Variants in EPHA6 observed in about 807,000 individuals in gnomAD.
EPHA6 encodes ephrin type-A receptor 6.
Under a neutral mutation model 112.0 loss-of-function variants are expected in EPHA6, and 50 were observed. That is an observed-to-expected ratio of 0.45 (90% CI 0.36 to 0.56). The LOEUF is 0.56. EPHA6 is among the 20% of genes least tolerant of loss of function. The pLI, the probability that EPHA6 is intolerant of heterozygous loss-of-function variation, is 0.00. For missense variants in EPHA6, 1,280 were observed against 1,417.4 expected, an observed-to-expected ratio of 0.90 and a Z score of 1.56; for synonymous variants, 529 against 490.7, an observed-to-expected ratio of 1.08 and a Z score of -1.03.
chr3:96,892,871 G>A (rs2038044644), intron 2 of EPHA6, among the ~76,000 whole-genome samples: 2 of 151,834 alleles, frequency 1.3e-5, no homozygotes, highest in South Asian at 4.2e-4. Context: ...AGTAACATAT[G>A]TCTATGTATA....
intron 5 of EPHA6, among the ~76,000 whole-genome samples, chr3:97,271,556 G>T (rs1226291234): frequency 6.6e-6 from 1 of 152,064 alleles, no homozygotes; most frequent in Non-Finnish European, 1.5e-5. Flanking sequence ...CGGGGTTTCA[G>T]CATGTTGATC....
At chr3:97,451,999 T>C (rs2090545512) in intron 7 of EPHA6, among the ~76,000 whole-genome samples, 1 of 151,982 alleles carries the variant, frequency 6.6e-6, no homozygotes, top group Non-Finnish European at 1.5e-5. Context: ...TCAGTTCTTT[T>C]TAGCCATACT....
At chr3:97,657,975 C>T (rs1282910585) in intron 14 of EPHA6, among the ~76,000 whole-genome samples, 4 of 151,560 alleles carry the variant, frequency 2.6e-5, no homozygotes, top group African/African-American at 9.7e-5. Context: ...GGACAGAAGT[C>T]ACAAGCAGGT....
At position 97,758,857 on chromosome 3, in the gene EPHA6, G is replaced by A. The variant is rs1188131744; in HGVS notation, c.*10156G>A. 6.6e-6 allele frequency among the ~76,000 whole-genome samples: 1 copy of A among 151,944 alleles called. No homozygotes were observed. The highest frequency in any genetic ancestry group is 1.5e-5 in the Non-Finnish European group (1 of 67,886). ...ATGAATGAAAATTTGGAGTGTTGGAGAGTAGAGAACAGTGTTCTTGGTACA... is the reference window on the plus strand; with the variant it reads ...ATGAATGAAAATTTGGAGTGTTGGAAAGTAGAGAACAGTGTTCTTGGTACA... On this transcript the variant is annotated 3_prime_UTR_variant, in exon 18 of 18. Coordinates refer to ENST00000389672, the MANE Select transcript of EPHA6 (RefSeq NM_001080448.3).
rs142715344 is a variant in EPHA6 at position 96,892,289 on chromosome 3, C to T, written c.450+25400C>T. Among the ~76,000 whole-genome samples the T allele has an allele frequency of 4.2e-3, 638 of 151,214 alleles. 11 individuals carry two copies. In the East Asian group the frequency reaches 0.047, roughly 11 times the overall value. The stretch of plus-strand genomic sequence containing the variant: ...AGGCTGGAGTACAGTGGTGTGATCT[C>T]GGCTCACTGCAACCTCTGCCTCCTG... On this transcript the variant is annotated intron_variant, in intron 2 of 17. Transcript: ENST00000389672.
intron 3 of EPHA6, among the ~76,000 whole-genome samples, chr3:97,111,100 A>G (rs147961436): frequency 2.0e-5 from 3 of 152,260 alleles, no homozygotes; most frequent in East Asian, 3.9e-4. Context: ...CAACTCAGCA[A>G]AACTCTCCCA....
intron 2 of EPHA6, among the ~76,000 whole-genome samples, chr3:96,913,161 TACACAC>T (rs768422240): frequency 0.054 from 6,606 of 123,104 alleles, 184 homozygotes; most frequent in Middle Eastern, 0.075. Context: ...AGACCCCGTC[TACACAC>T]ACACACACAC....
chr3:97,137,782 C>T (rs144564389), intron 3 of EPHA6, among the ~76,000 whole-genome samples: 89 of 152,198 alleles, frequency 5.8e-4, no homozygotes, highest in African/African-American at 2.1e-3. Context: ...AAACGTGGCA[C>T]ATATATACAT....
chr3:97,286,629 G>T (rs1379550514), intron 5 of EPHA6, among the ~76,000 whole-genome samples: 1 of 150,912 alleles, frequency 6.6e-6, no homozygotes, highest in Non-Finnish European at 1.5e-5. Context: ...TAGTGTTTTG[G>T]TACCAAAGCC....
At chr3:97,581,491 G>GT (rs1322228142) in intron 11 of EPHA6, among the ~76,000 whole-genome samples, 1 of 152,174 alleles carries the variant, frequency 6.6e-6, no homozygotes, top group East Asian at 1.9e-4. Context: ...ATAATTTATT[G>GT]TAAGATACAT....
intron 13 of EPHA6, among the ~76,000 whole-genome samples, chr3:97,613,005 C>A (rs748221435): frequency 6.6e-6 from 1 of 151,998 alleles, no homozygotes; most frequent in Non-Finnish European, 1.5e-5. Flanking sequence ...CCACTACCAT[C>A]TCCTCATGGT....
intron 11 of EPHA6, among the ~76,000 whole-genome samples, chr3:97,546,624 T>A (rs1423356552): frequency 6.6e-6 from 1 of 152,236 alleles, no homozygotes; most frequent in Non-Finnish European, 1.5e-5. Flanking sequence ...CTTGCTATAT[T>A]TGGGAAGTTC....
chr3:97,292,660 C>T (rs2080729997), intron 5 of EPHA6, among the ~76,000 whole-genome samples: 2 of 152,148 alleles, frequency 1.3e-5, no homozygotes, highest in African/African-American at 4.8e-5. Flanking sequence ...CTCCTTTTCA[C>T]AGGCAGTCAT....
At chr3:97,139,739 G>C (rs1227666111) in intron 3 of EPHA6, among the ~76,000 whole-genome samples, 1 of 152,124 alleles carries the variant, frequency 6.6e-6, no homozygotes, top group Admixed American at 6.5e-5. Context: ...CTCCAGATGA[G>C]AAGAAAACAA....
chr3:97,175,007 C>T (rs1218255193), intron 3 of EPHA6, among the ~76,000 whole-genome samples: 2 of 151,830 alleles, frequency 1.3e-5, no homozygotes, highest in African/African-American at 4.8e-5. Context: ...CCAAAGTTTT[C>T]TTGTAGTGGT....
chr3:97,649,987 A>G (rs1015880454), intron 14 of EPHA6, among the ~76,000 whole-genome samples: 4 of 152,158 alleles, frequency 2.6e-5, no homozygotes, highest in East Asian at 1.9e-4. Context: ...CAGTTTTTAT[A>G]TACTTTCTTC....
At chr3:96,971,127 G>T (rs942020203) in intron 2 of EPHA6, among the ~76,000 whole-genome samples, 1 of 151,846 alleles carries the variant, frequency 6.6e-6, no homozygotes, top group Non-Finnish European at 1.5e-5. Flanking sequence ...GCCATTTAAG[G>T]CCTTTTGGAC....
At chr3:97,743,494 T>C (rs1361054089) in intron 16 of EPHA6, among the ~76,000 whole-genome samples, 2 of 152,142 alleles carry the variant, frequency 1.3e-5, no homozygotes, top group Non-Finnish European at 2.9e-5. Flanking sequence ...AAGAATGTTG[T>C]TAGCAACCTA....
chr3:96,864,388 C>T (rs748136684), intron 1 of EPHA6, among the ~76,000 whole-genome samples: 10 of 152,034 alleles, frequency 6.6e-5, no homozygotes, highest in Non-Finnish European at 1.3e-4. Flanking sequence ...ACAGTTGAAA[C>T]ATGCAGTGAC....
Sources: allele counts gnomAD v4.1 joint callset (sites outside exome capture counted in the v4.1 genomes callset), GRCh38; gene constraint gnomAD v4.1.1; transcripts MANE v1.5; gene names NCBI Gene and HGNC (gene_info 2026-07-23, HGNC 2026-07-21).